The following ZBBX variants were observed in gnomAD, a reference collection of about 807,000 sequenced individuals.
ZBBX encodes the protein zinc finger B-box domain-containing protein 1.
Under a neutral mutation model 108.5 loss-of-function variants are expected in ZBBX, and 101 were observed. The ratio of observed to expected loss-of-function variants is 0.93; its 90% CI spans 0.79 to 1.10. ZBBX has a LOEUF of 1.10. ZBBX is among the 50% of genes least tolerant of loss of function. The pLI is 0.00. For synonymous variants in ZBBX, 356 were observed against 323.4 expected, an observed-to-expected ratio of 1.10 and a Z score of -1.08; for missense variants, 1,009 against 941.4, an observed-to-expected ratio of 1.07 and a Z score of -0.94.
At chr3:167,255,023 G>A (rs547024457) in intron 20 of ZBBX, among the ~76,000 whole-genome samples, 3 of 152,022 alleles carry the variant, frequency 2.0e-5, no homozygotes, top group Non-Finnish European at 2.9e-5. Flanking sequence ...AGACAAAGGT[G>A]ACCAAATGAT....
chr3:167,293,422 A>G (rs889214749), intron 18 of ZBBX, among the ~76,000 whole-genome samples: 1 of 152,246 alleles, frequency 6.6e-6, no homozygotes, highest in Non-Finnish European at 1.5e-5. Context: ...TCCATCACAT[A>G]AACAGAACAA....
upstream of ZBBX, among the ~76,000 whole-genome samples, chr3:167,381,139 C>G (rs9869199): frequency 0.34 from 52,032 of 151,774 alleles, 11,079 homozygotes; most frequent in East Asian, 0.73. Flanking sequence ...TACACCATTA[C>G]TTTTGACATT....
At chr3:167,403,301 G>C (rs1256405917) in intron 1 of ZBBX, among the ~76,000 whole-genome samples, 1 of 152,054 alleles carries the variant, frequency 6.6e-6, no homozygotes, top group Non-Finnish European at 1.5e-5. Flanking sequence ...TATCAACTTA[G>C]AATCCTACAT....
At chr3:167,388,850 A>G (rs1434300061) in intron 1 of ZBBX, among the ~76,000 whole-genome samples, 2 of 152,082 alleles carry the variant, frequency 1.3e-5, no homozygotes, top group African/African-American at 4.8e-5. Flanking sequence ...TTGTTTGTTT[A>G]TTTAATAATT....
chr3:167,288,025 G>A (rs1730010078), intron 19 of ZBBX, among the ~76,000 whole-genome samples: 2 of 151,966 alleles, frequency 1.3e-5, no homozygotes, highest in African/African-American at 4.8e-5. Context: ...CCCTTTCTCA[G>A]GTATTCCTCC....
At chr3:167,342,566 G>A (rs1740719707) in intron 9 of ZBBX, among the ~76,000 whole-genome samples, 1 of 151,618 alleles carries the variant, frequency 6.6e-6, no homozygotes, top group Non-Finnish European at 1.5e-5. Context: ...TAGGTACCAT[G>A]TTGTACAACA....
chr3:167,368,616 C>T lies in ZBBX; in HGVS notation c.69-42G>A, dbSNP rs199542537. 3.6e-4 allele frequency: 519 copies of T among 1,460,712 alleles called. 2 individuals are homozygous for T. The East Asian group carries it at 5.4e-3, about 15-fold the overall frequency. 90.5% of individuals were successfully genotyped at this position (1,460,712 alleles called of 1,614,324 possible). A position where few individuals can be genotyped will look rare whatever the true frequency, so the allele number is the denominator to read the frequency against. On this transcript the variant is annotated intron_variant, in intron 4 of 21. Transcript: ENST00000675490. ...TAAATGGAGAAAGCAGAAAAACAAG[C>T]GAAGCCAAAATAATTTTATATAATC...
At chr3:167,225,363 C>G in the ZBBX span, among the ~76,000 whole-genome samples, 3 of 151,714 alleles carry the variant, frequency 2.0e-5, no homozygotes, top group African/African-American at 7.3e-5. Flanking sequence ...ACCATCATCA[C>G]GAATGGTAGG....
chr3:167,259,105 AC>A (rs988911090), intron 20 of ZBBX, among the ~76,000 whole-genome samples: 2 of 73,014 alleles, frequency 2.7e-5, no homozygotes, highest in Non-Finnish European at 6.4e-5. Context: ...CTGGTCATGG[AC>A]CCTTTTTTTT....
At chr3:167,199,807 A>C in the ZBBX span, among the ~76,000 whole-genome samples, 1 of 152,192 alleles carries the variant, frequency 6.6e-6, no homozygotes, top group African/African-American at 2.4e-5. Context: ...AATACAGAAC[A>C]TCCAGCACAT....
intron 19 of ZBBX, among the ~76,000 whole-genome samples, chr3:167,287,598 T>C (rs557348397): frequency 9.3e-4 from 142 of 152,296 alleles, no homozygotes; most frequent in Non-Finnish European, 1.6e-3. Flanking sequence ...TTGACTGATC[T>C]GTCCAAATTG....
chr3:167,400,076 G>A (rs531421309), intron 1 of ZBBX, among the ~76,000 whole-genome samples: 18 of 152,234 alleles, frequency 1.2e-4, no homozygotes, highest in African/African-American at 4.1e-4. Flanking sequence ...TAGTGTATAT[G>A]TACTACATTT....
the ZBBX span, among the ~76,000 whole-genome samples, chr3:167,198,012 C>T: frequency 5.8e-4 from 89 of 152,238 alleles, no homozygotes; most frequent in African/African-American, 2.1e-3. Context: ...ATCTATTGAT[C>T]AACAATGAAG....
At chr3:167,388,638 G>A (rs980347925) in intron 1 of ZBBX, among the ~76,000 whole-genome samples, 1 of 151,996 alleles carries the variant, frequency 6.6e-6, no homozygotes, top group Non-Finnish European at 1.5e-5. Context: ...CTCTCACTTA[G>A]CATGTAAGTG....
chr3:167,328,344 T>A (rs1022426642), intron 10 of ZBBX, among the ~76,000 whole-genome samples: 1 of 152,172 alleles, frequency 6.6e-6, no homozygotes, highest in South Asian at 2.1e-4. Context: ...TCAGAAATCA[T>A]GAAGATGACA....
rs1198089608 is a variant in ZBBX at position 167,348,300 on chromosome 3, AAG to A, written c.528+2118_528+2119del. 3.0e-4 allele frequency among the ~76,000 whole-genome samples: 40 copies of A among 133,756 alleles called. No homozygotes were observed. In the Middle Eastern group the frequency reaches 0.011, roughly 38 times the overall value. The allele number at this position is 133,756 out of a possible 152,430, so 87.7% of individuals were successfully genotyped here. A position where few individuals can be genotyped will look rare whatever the true frequency, so the allele number is the denominator to read the frequency against. Reference sequence around the variant, plus strand: ...GAAGGAAGGAAGGAAGGAAAGAAGAAAGAGAGAAAGAAAGAGAAAGAAAGAAA... The same window carrying A: ...GAAGGAAGGAAGGAAGGAAAGAAGAAAGAGAAAGAAAGAGAAAGAAAGAAA... On this transcript the variant is annotated intron_variant, in intron 9 of 21. Coordinates refer to ENST00000675490, the MANE Select transcript of ZBBX (RefSeq NM_001199201.2).
intron 2 of ZBBX, among the ~76,000 whole-genome samples, chr3:167,379,312 G>T (rs892515591): frequency 2.0e-5 from 3 of 152,104 alleles, no homozygotes; most frequent in African/African-American, 7.2e-5. Context: ...CTTACACTCT[G>T]GTGAAGGAAG....
At chr3:167,321,846 C>A (rs1445202110) in intron 12 of ZBBX, among the ~76,000 whole-genome samples, 1 of 151,752 alleles carries the variant, frequency 6.6e-6, no homozygotes, top group African/African-American at 2.4e-5. Context: ...TTTTATTATT[C>A]TTCTTAAATT....
intron 20 of ZBBX, among the ~76,000 whole-genome samples, chr3:167,262,361 A>G (rs1405307170): frequency 6.6e-6 from 1 of 152,182 alleles, no homozygotes; most frequent in East Asian, 1.9e-4. Flanking sequence ...TGGAGCTGCA[A>G]TCTAGTCCTG....
Sources: allele counts gnomAD v4.1 joint callset (sites outside exome capture counted in the v4.1 genomes callset), GRCh38; gene constraint gnomAD v4.1.1; transcripts MANE v1.5; gene names NCBI Gene and HGNC (gene_info 2026-07-23, HGNC 2026-07-21).